Variants in PCSK5 observed in about 807,000 individuals in gnomAD.
PCSK5 encodes the protein proprotein convertase subtilisin/kexin type 5.
A neutral mutation model predicts 233.2 loss-of-function variants in PCSK5; 129 were observed. The observed-to-expected ratio is 0.55, with a 90% CI of 0.48 to 0.64. The LOEUF is 0.64. Among genes scored for constraint, PCSK5 ranks in the 30% least tolerant of loss-of-function variants. The pLI, the probability that PCSK5 is intolerant of heterozygous loss-of-function variation, is 0.00. For synonymous variants in PCSK5, 825 were observed against 879.2 expected, an observed-to-expected ratio of 0.94 and a Z score of 1.09; for missense variants, 2,076 against 2,430.1, an observed-to-expected ratio of 0.85 and a Z score of 3.06.
intron 20 of PCSK5, among the ~76,000 whole-genome samples, chr9:76,192,983 C>CT (rs5898460): frequency 0.76 from 111,560 of 147,416 alleles, 42,162 homozygotes; most frequent in East Asian, 0.98. Flanking sequence ...TTTTTCTAAT[C>CT]TTTTTTTTTT....
chr9:76,173,532 T>A lies in PCSK5; in HGVS notation c.1757-1454T>A, dbSNP rs13287317. Among the ~76,000 whole-genome samples the A allele has an allele frequency of 5.3e-4, 59 of 110,832 alleles. No individual in the cohort carries two copies. The East Asian group carries it at 0.014, about 26-fold the overall frequency. 72.7% of individuals were successfully genotyped at this position (110,832 alleles called of 152,430 possible). On this transcript the variant is annotated intron_variant, in intron 13 of 37. Coordinates refer to ENST00000674117, the MANE Select transcript of PCSK5 (RefSeq NM_001372043.1). ...TTTTTTTTTTTTTTTTTTTTTTTTT[T>A]ACTTTTTGCATTGAACACAATTTTG...
chr9:75,984,756 A>G (rs1826431455), intron 2 of PCSK5, among the ~76,000 whole-genome samples: 1 of 152,224 alleles, frequency 6.6e-6, no homozygotes, highest in African/African-American at 2.4e-5. Context: ...CACAGTACCT[A>G]GCACTTGTTT....
At chr9:76,158,621 A>G (rs1564069036) in intron 11 of PCSK5, among the ~76,000 whole-genome samples, 1 of 152,210 alleles carries the variant, frequency 6.6e-6, no homozygotes. Flanking sequence ...CAGCTACGTC[A>G]CTATCACCTG....
At chr9:76,168,449 T>C (rs1342245330) in intron 12 of PCSK5, among the ~76,000 whole-genome samples, 1 of 152,206 alleles carries the variant, frequency 6.6e-6, no homozygotes, top group Admixed American at 6.5e-5. Flanking sequence ...CACCCACTTA[T>C]TTCTTAATAT....
intron 1 of PCSK5, among the ~76,000 whole-genome samples, chr9:75,903,603 T>TATATATA (rs1474775267): frequency 1.5e-4 from 21 of 142,918 alleles, no homozygotes; most frequent in African/African-American, 5.4e-4. Flanking sequence ...ATATATTATA[T>TATATATA]ATATATATTA....
Position 76,351,525 on chromosome 9 carries a change from AAAGAAAGGAAGG to A in PCSK5, c.5067+600_5067+611del, listed in dbSNP as rs1564196947. On this transcript the variant is annotated intron_variant, in intron 36 of 37. Transcript: ENST00000674117. ...GAAAGAAAGAAAGAAAGAAAGAAAG[AAAGAAAGGAAGG>A]AAAGAAAGAGAAAGAAGAGAGAGAG... 5.3e-4 allele frequency among the ~76,000 whole-genome samples: 66 copies of A among 123,562 alleles called. 19 individuals carry two copies. Among genetic ancestry groups the A allele is most frequent in the Non-Finnish European group, 8.4e-4 (48 of 57,202 alleles). 81.1% of individuals were successfully genotyped at this position (123,562 alleles called of 152,430 possible). A position where few individuals can be genotyped will look rare whatever the true frequency, so the allele number is the denominator to read the frequency against.
chr9:76,145,501 G>T (rs995512494), intron 10 of PCSK5, among the ~76,000 whole-genome samples: 24 of 152,114 alleles, frequency 1.6e-4, no homozygotes, highest in Admixed American at 9.2e-4. Flanking sequence ...TTCTACCAAG[G>T]CATAGAGCTT....
At chr9:75,906,517 G>A (rs181325712) in intron 1 of PCSK5, among the ~76,000 whole-genome samples, 3 of 152,260 alleles carry the variant, frequency 2.0e-5, no homozygotes, top group Admixed American at 6.5e-5. Context: ...GAGTCACTGC[G>A]CCCAGCCGCA....
intron 1 of PCSK5, among the ~76,000 whole-genome samples, chr9:75,892,989 A>T (rs905562634): frequency 2.0e-4 from 30 of 152,132 alleles, no homozygotes; most frequent in African/African-American, 7.0e-4. Context: ...TTGGGATTCT[A>T]CTGGCTTCTT....
intron 7 of PCSK5, among the ~76,000 whole-genome samples, chr9:76,090,805 T>A (rs1182480220): frequency 4.6e-5 from 7 of 152,172 alleles, no homozygotes; most frequent in Admixed American, 4.6e-4. Flanking sequence ...TAATATAAAA[T>A]GAAATTATAC....
At chr9:76,173,742 G>A (rs984802065) in intron 13 of PCSK5, among the ~76,000 whole-genome samples, 11 of 151,740 alleles carry the variant, frequency 7.2e-5, no homozygotes, top group East Asian at 3.9e-4. Flanking sequence ...GGAGGCTAAG[G>A]CGGGTGGATC....
At position 76,309,589 on chromosome 9, in the gene PCSK5, G is replaced by A. The variant is rs185712955; in HGVS notation, c.3688+861G>A. Among the ~76,000 whole-genome samples, 1,167 of 152,152 alleles carry A rather than the reference G, an allele frequency of 7.7e-3. 14 individuals carry two copies. Among genetic ancestry groups the A allele is most frequent in the Non-Finnish European group, 7.4e-3 (502 of 68,006 alleles). On this transcript the variant is annotated intron_variant, in intron 29 of 37. Transcript: ENST00000674117. ...CATGCCTGTAATCCCAGGCTACGTG[G>A]GAGGCTGAGACATGAGATCACTTGA... is the stretch of plus-strand genomic sequence containing the variant.
chr9:76,230,207 G>A (rs1432524326), intron 21 of PCSK5, among the ~76,000 whole-genome samples: 1 of 152,182 alleles, frequency 6.6e-6, no homozygotes, highest in Non-Finnish European at 1.5e-5. Flanking sequence ...ACATAACTCA[G>A]TGCCTTCACT....
intron 10 of PCSK5, among the ~76,000 whole-genome samples, chr9:76,156,558 C>T (rs997110479): frequency 9.2e-5 from 14 of 152,158 alleles, no homozygotes; most frequent in Non-Finnish European, 1.6e-4. Flanking sequence ...TCTCTTTAAA[C>T]CTATTAATTA....
At chr9:76,186,779 C>CT (rs1232280781) in intron 17 of PCSK5, among the ~76,000 whole-genome samples, 7 of 152,034 alleles carry the variant, frequency 4.6e-5, no homozygotes, top group Non-Finnish European at 8.8e-5. Context: ...TCAAATGGAT[C>CT]CATTTAAGGC....
intron 20 of PCSK5, among the ~76,000 whole-genome samples, chr9:76,192,767 T>TA (rs1288934091): frequency 1.3e-5 from 2 of 152,206 alleles, no homozygotes; most frequent in African/African-American, 4.8e-5. Flanking sequence ...AGTCTAAAAT[T>TA]AAAATTCTAA....
chr9:76,151,853 C>T (rs1321298631), intron 10 of PCSK5, among the ~76,000 whole-genome samples: 1 of 152,166 alleles, frequency 6.6e-6, no homozygotes, highest in African/African-American at 2.4e-5. Context: ...GTCTCACCTT[C>T]TACTTGAGTG....
Position 76,332,460 on chromosome 9 carries a change from AG to A in PCSK5, c.4601del (p.Gly1534AlafsTer39). ...ACAACCTGTGTGAAGGACTGCCCAG[AG>A]GGCTATTATGCCGATGAGGACAGCA... ...LNTTCVKDCP[E>X]GYYADEDSNR... On this transcript the variant is annotated frameshift_variant, in exon 34 of 38. Coordinates refer to ENST00000674117, the MANE Select transcript of PCSK5 (RefSeq NM_001372043.1). LOFTEE classifies it high-confidence loss of function. 3 of 1,612,646 alleles carry A rather than the reference AG, an allele frequency of 1.9e-6. No individual in the cohort carries two copies. The highest frequency in any genetic ancestry group is 2.5e-6 in the Non-Finnish European group (3 of 1,179,700).
chr9:76,230,254 A>C (rs1231891733), intron 21 of PCSK5, among the ~76,000 whole-genome samples: 1 of 152,140 alleles, frequency 6.6e-6, no homozygotes, highest in Non-Finnish European at 1.5e-5. Flanking sequence ...CTATCTTTAG[A>C]AATAATCATC....
Sources: allele counts gnomAD v4.1 joint callset (sites outside exome capture counted in the v4.1 genomes callset), GRCh38; gene constraint gnomAD v4.1.1; transcripts MANE v1.5; gene names NCBI Gene and HGNC (gene_info 2026-07-23, HGNC 2026-07-21).